GNAQ: variants seen among roughly 807,000 people sequenced by gnomAD.
The protein encoded by GNAQ is guanine nucleotide-binding protein G(q) subunit alpha.
A neutral mutation model predicts 43.9 loss-of-function variants in GNAQ; 8 were observed. The observed-to-expected ratio is 0.18, with a 90% confidence interval of 0.11 to 0.33. The LOEUF is 0.33. Ranked by LOEUF, GNAQ falls within the 10% of genes least tolerant of loss-of-function variation. The probability of loss-of-function intolerance (pLI) is 1.00; values close to 1 mark genes in which losing one functional copy is unlikely to be tolerated. For missense variants in GNAQ, 158 were observed against 450.8 expected, an observed-to-expected ratio of 0.35 and a Z score of 5.88; for synonymous variants, 155 against 170.7, an observed-to-expected ratio of 0.91 and a Z score of 0.71.
chr9:77,928,745 C>T (rs1316805547), intron 1 of GNAQ, among the ~76,000 whole-genome samples: 2 of 152,154 alleles, frequency 1.3e-5, no homozygotes, highest in African/African-American at 4.8e-5. Context: ...TTAGGTCCGG[C>T]ATGGTGGCTC....
intron 1 of GNAQ, among the ~76,000 whole-genome samples, chr9:78,029,929 G>A (rs1312363409): frequency 6.6e-6 from 1 of 152,154 alleles, no homozygotes; most frequent in Non-Finnish European, 1.5e-5. Context: ...TCCTGCCACA[G>A]TAGCTCAGGG....
chr9:77,796,435 C>A (rs535178031), intron 4 of GNAQ, among the ~76,000 whole-genome samples: 2 of 152,302 alleles, frequency 1.3e-5, no homozygotes, highest in South Asian at 4.1e-4. Flanking sequence ...GACACATTCT[C>A]ATTTCTCAAA....
At chr9:77,890,891 A>T (rs184416522) in intron 2 of GNAQ, among the ~76,000 whole-genome samples, 1 of 152,186 alleles carries the variant, frequency 6.6e-6, no homozygotes, top group African/African-American at 2.4e-5. Context: ...TCATGCCTAC[A>T]ATCCCAGTAG....
intron 5 of GNAQ, among the ~76,000 whole-genome samples, chr9:77,771,264 A>C (rs1826218033): frequency 6.6e-6 from 1 of 152,182 alleles, no homozygotes; most frequent in Non-Finnish European, 1.5e-5. Context: ...GCATATATTA[A>C]ACTATAAGTT....
At chr9:77,822,706 T>C (rs780744758) in intron 2 of GNAQ, among the ~76,000 whole-genome samples, 4 of 150,904 alleles carry the variant, frequency 2.7e-5, no homozygotes, top group Admixed American at 2.0e-4. Flanking sequence ...GAACATCCCA[T>C]GTGAAATCTG....
chr9:77,855,843 C>T (rs909147317), intron 2 of GNAQ, among the ~76,000 whole-genome samples: 1 of 151,650 alleles, frequency 6.6e-6, no homozygotes, highest in Non-Finnish European at 1.5e-5. Context: ...CTAACAGGAG[C>T]ATCTATTGTT....
intron 1 of GNAQ, among the ~76,000 whole-genome samples, chr9:78,027,594 CA>C (rs1037590204): frequency 2.0e-5 from 3 of 150,818 alleles, no homozygotes; most frequent in African/African-American, 7.3e-5. Context: ...CTACTAAATG[CA>C]AAAAAAATAG....
At chr9:77,922,110 GTGAACACCTGGAACATTCAGC>G (rs1829006712) in intron 2 of GNAQ, 30 bp downstream of exon 2, 1 of 1,298,734 alleles carries the variant, frequency 7.7e-7, no homozygotes, top group South Asian at 1.3e-5. Context: ...TCACATTATT[GTGAACACCTGGAACATTCAGC>G]TGACTGCTCC....
At chr9:77,864,767 G>A (rs1175508431) in intron 2 of GNAQ, among the ~76,000 whole-genome samples, 4 of 152,192 alleles carry the variant, frequency 2.6e-5, no homozygotes, top group African/African-American at 4.8e-5. Context: ...GTGGTAATAC[G>A]TTACAGCAGC....
At chr9:78,018,263 C>T (rs1823863484) in intron 1 of GNAQ, among the ~76,000 whole-genome samples, 1 of 151,842 alleles carries the variant, frequency 6.6e-6, no homozygotes, top group Non-Finnish European at 1.5e-5. Context: ...ATGAAGTCTA[C>T]ATAGCCACAT....
At chr9:77,820,119 C>CA (rs1352350997) in intron 2 of GNAQ, among the ~76,000 whole-genome samples, 1 of 119,408 alleles carries the variant, frequency 8.4e-6, no homozygotes, top group Admixed American at 8.1e-5. Flanking sequence ...AAAAATAGTA[C>CA]AAAAAATATA....
intron 2 of GNAQ, among the ~76,000 whole-genome samples, chr9:77,919,394 T>C (rs1056642907): frequency 3.3e-5 from 5 of 152,042 alleles, no homozygotes; most frequent in Non-Finnish European, 5.9e-5. Flanking sequence ...CCATAATCAA[T>C]ACAAGCTAGG....
At chr9:77,809,674 A>G (rs1361316360) in intron 3 of GNAQ, among the ~76,000 whole-genome samples, 7 of 152,194 alleles carry the variant, frequency 4.6e-5, no homozygotes, top group Admixed American at 6.5e-5. Flanking sequence ...TGTATCCACA[A>G]CTGCTTATCC....
At chr9:77,837,407 AGC>A (rs1827408016) in intron 2 of GNAQ, among the ~76,000 whole-genome samples, 2 of 152,040 alleles carry the variant, frequency 1.3e-5, no homozygotes, top group Admixed American at 6.6e-5. Flanking sequence ...AAAAAAAATT[AGC>A]CGGGTGAGGT....
rs1377342286 is a variant in GNAQ at position 77,962,656 on chromosome 9, G to A, written c.137-40311C>T. ...TGTAATCCCAGAACTTTGGGAGGCC[G>A]AGGCGGGCGGATCACTTGAGGTCAG... On this transcript the variant is annotated intron_variant, in intron 1 of 6. Transcript: ENST00000286548. Among the ~76,000 whole-genome samples, 8 of 152,142 alleles carry A rather than the reference G, an allele frequency of 5.3e-5. No individual in the cohort carries two copies. In the East Asian group the frequency reaches 7.7e-4, roughly 15 times the overall value.
intron 5 of GNAQ, among the ~76,000 whole-genome samples, chr9:77,733,841 C>A (rs191289857): frequency 1.3e-5 from 2 of 152,266 alleles, no homozygotes; most frequent in Admixed American, 1.3e-4. Context: ...TGCAGTAGAT[C>A]AGGGAAGGTT....
intron 2 of GNAQ, among the ~76,000 whole-genome samples, chr9:77,881,509 G>A (rs1828206545): frequency 6.6e-6 from 1 of 152,174 alleles, no homozygotes; most frequent in African/African-American, 2.4e-5. Flanking sequence ...CCCCCGAGTA[G>A]CTGGGACTAC....
rs932764196 is a variant in GNAQ at position 77,855,917 on chromosome 9, T to C, written c.322-40147A>G. ...TATATTTTATACACACTTTGGTTAA[T>C]GTATATGTATCTATAGATATACATA... On this transcript the variant is annotated intron_variant, in intron 2 of 6. Transcript: ENST00000286548. Among the ~76,000 whole-genome samples, 7 of 152,336 alleles carry C rather than the reference T, an allele frequency of 4.6e-5. No homozygotes were observed. The South Asian group carries it at 1.2e-3, about 27-fold the overall frequency.
At chr9:77,771,592 A>G (rs1295207868) in intron 5 of GNAQ, among the ~76,000 whole-genome samples, 1 of 152,194 alleles carries the variant, frequency 6.6e-6, no homozygotes, top group Non-Finnish European at 1.5e-5. Context: ...TGGACTACCA[A>G]TCTCTCATTT....
Sources: allele counts gnomAD v4.1 joint callset (sites outside exome capture counted in the v4.1 genomes callset), GRCh38; gene constraint gnomAD v4.1.1; transcripts MANE v1.5; gene names NCBI Gene and HGNC (gene_info 2026-07-23, HGNC 2026-07-21).